The following MYPN variants were observed in gnomAD, a reference collection of about 807,000 sequenced individuals.
MYPN encodes sarcomeric protein myopalladin, 145 kDa (MYOP).
Under a neutral mutation model 129.4 loss-of-function variants are expected in MYPN, and 63 were observed. The ratio of observed to expected loss-of-function variants is 0.49; its 90% CI spans 0.40 to 0.60. The LOEUF is 0.60. Ranked by LOEUF, MYPN falls within the 20% of genes least tolerant of loss-of-function variation. The probability of loss-of-function intolerance (pLI) is 0.00; values close to 1 mark genes in which losing one functional copy is unlikely to be tolerated. For missense variants in MYPN, 1,596 were observed against 1,635.4 expected (o/e 0.98, Z 0.42); for synonymous variants, 629 against 600.9 (o/e 1.05, Z -0.68).
intron 1 of MYPN, among the ~76,000 whole-genome samples, chr10:68,091,299 G>A (rs1211785659): frequency 1.3e-5 from 2 of 149,280 alleles, no homozygotes; most frequent in African/African-American, 2.5e-5. Context: ...TTTCCTACCT[G>A]TCATTCTATT....
chr10:68,189,121 C>T lies in MYPN; in HGVS notation c.2920C>T (p.Pro974Ser). The part of the protein sequence containing the change: ...FTCKIVGIPV[P>S]KVYWFKDGKQ... ...CTGCAAAATTGTTGGGATACCTGTT[C>T]CAAAGGTAGGGAAGATGACAAGCCA... The change falls in exon 13 of 20, where the codon CCA becomes TCA. Residue 974 changes from proline to serine, a missense_variant. Coordinates refer to ENST00000358913, the MANE Select transcript of MYPN (RefSeq NM_032578.4). 1 of 1,612,994 alleles carries T rather than the reference C, an allele frequency of 6.2e-7. No individual in the cohort carries two copies. The highest frequency in any genetic ancestry group is 8.5e-7 in the Non-Finnish European group (1 of 1,179,062).
In MYPN at chr10:68,121,460, G is replaced by C. The variant is rs2042239747; in HGVS notation, c.22G>C (p.Ala8Pro). ...CAGCATGCAAGACGACAGCATAGAA[G>C]CTTCTACTTCCATATCTCAGCTTCT... MQDDSIE[A>P]STSISQLLRE... The change falls in exon 2 of 20, where the codon GCT becomes CCT. Residue 8 changes from alanine (A) to proline (P), a missense_variant. Transcript: ENST00000358913. 6.2e-7 allele frequency: 1 copy of C among 1,612,674 alleles called. No homozygotes were observed. Among genetic ancestry groups the C allele is most frequent in the Non-Finnish European group, 8.5e-7 (1 of 1,179,458 alleles).
At chr10:68,139,843 T>C (rs2086644234) in intron 2 of MYPN, among the ~76,000 whole-genome samples, 3 of 152,356 alleles carry the variant, frequency 2.0e-5, no homozygotes, top group African/African-American at 7.2e-5. Context: ...AGGGCACTAT[T>C]GTAGGTGCTG....
intron 3 of MYPN, among the ~76,000 whole-genome samples, chr10:68,143,623 G>T (rs2042611971): frequency 6.6e-6 from 1 of 151,490 alleles, no homozygotes; most frequent in Admixed American, 6.6e-5. Context: ...AAGGAGGGAG[G>T]TAAGCAGATC....
rs747970724 is a variant in MYPN at position 68,211,873 on chromosome 10, G to A, written c.*1418G>A. On this transcript the variant is annotated 3_prime_UTR_variant, in exon 20 of 20. Transcript: ENST00000358913. Reference sequence around the variant, plus strand: ...TGTCTGTTTTCAATTCCCTGTGCTGGAATCCCTGGTGCTGTCTGTGCCAAG... The same window carrying A: ...TGTCTGTTTTCAATTCCCTGTGCTGAAATCCCTGGTGCTGTCTGTGCCAAG... 20 of 452,516 alleles carry A rather than the reference G, an allele frequency of 4.4e-5. No individual in the cohort carries two copies. The highest frequency in any genetic ancestry group is 8.9e-5 in the Non-Finnish European group (20 of 225,768). 28.0% of individuals were successfully genotyped at this position (452,516 alleles called of 1,614,324 possible). A position where few individuals can be genotyped will look rare whatever the true frequency, so the allele number is the denominator to read the frequency against.
chr10:68,099,202 C>T (rs1031116502), intron 1 of MYPN, among the ~76,000 whole-genome samples: 2 of 152,150 alleles, frequency 1.3e-5, no homozygotes, highest in African/African-American at 4.8e-5. Context: ...CAAAATAACC[C>T]TCATTAGACT....
In MYPN at chr10:68,199,505, A is replaced by G. The variant is rs776844468; in HGVS notation, c.3423A>G (p.Ala1141=). Residue 1141 remains alanine (A), a synonymous_variant, in exon 17 of 20, where the codon GCA becomes GCG. Coordinates refer to ENST00000358913, the MANE Select transcript of MYPN (RefSeq NM_032578.4). ...TTGACCCACTCACTCAGCGCGACGC[A>G]GGGACCTATAAGTGCATCGCTACCA... ...LLIDPLTQRD[A]GTYKCIATNK... 5.6e-6 allele frequency: 9 copies of G among 1,614,194 alleles called. No individual in the cohort carries two copies. Among genetic ancestry groups the G allele is most frequent in the Non-Finnish European group, 7.6e-6 (9 of 1,180,028 alleles).
Position 68,122,299 on chromosome 10 carries a change from G to A in MYPN, c.861G>A (p.Gln287=), listed in dbSNP as rs559908964. 5 of 1,614,078 alleles carry A rather than the reference G, an allele frequency of 3.1e-6. No individual in the cohort carries two copies. In the African/African-American group the frequency reaches 4.0e-5, roughly 13 times the overall value. The change falls in exon 2 of 20, where the codon CAG becomes CAA. Residue 287 remains glutamine, a synonymous_variant. Transcript: ENST00000358913. ...AAGTTCCAGAAGGAACTCGAGTACA[G>A]TTGGATTGCATAGTGGTAGGAATTC... ...SREVPEGTRV[Q]LDCIVVGIPP...
chr10:68,087,915 C>T (rs1171094368), exon 1 of MYPN, among the ~76,000 whole-genome samples: 1 of 152,178 alleles, frequency 6.6e-6, no homozygotes, highest in East Asian at 1.9e-4. Flanking sequence ...CTGCCCTCAA[C>T]AAGTGAGGTG....
At chr10:68,134,766 G>A (rs1423843968) in intron 2 of MYPN, among the ~76,000 whole-genome samples, 1 of 151,976 alleles carries the variant, frequency 6.6e-6, no homozygotes, top group African/African-American at 2.4e-5. Context: ...CTGCACTCCA[G>A]CCTTGTGACA....
rs540719207 is a variant in MYPN at position 68,100,694 on chromosome 10, G to A, written c.-2+12702G>A. On this transcript the variant is annotated intron_variant, in intron 1 of 6. Transcript: ENST00000685154. ...ACACCTCTTATTAGCACCTGTGGACGAACCCTTGGGCAAGGTGGTCACTGA... is the reference window on the plus strand; with the variant it reads ...ACACCTCTTATTAGCACCTGTGGACAAACCCTTGGGCAAGGTGGTCACTGA... Among the ~76,000 whole-genome samples, 16 of 152,250 alleles carry A rather than the reference G, an allele frequency of 1.1e-4. No homozygotes were observed. In the South Asian group the frequency reaches 2.7e-3, roughly 26 times the overall value.
chr10:68,183,335 G>A (rs2043368903), intron 12 of MYPN, among the ~76,000 whole-genome samples: 4 of 152,102 alleles, frequency 2.6e-5, no homozygotes, highest in Admixed American at 2.6e-4. Flanking sequence ...GGTGCTGTGT[G>A]CCTGTTGTCC....
intron 2 of MYPN, among the ~76,000 whole-genome samples, chr10:68,139,766 T>G (rs993061483): frequency 5.9e-5 from 9 of 152,284 alleles, no homozygotes; most frequent in African/African-American, 1.4e-4. Context: ...AACTGTGAAT[T>G]TTTTCCATCA....
intron 13 of MYPN, among the ~76,000 whole-genome samples, chr10:68,194,116 T>C (rs7098318): frequency 2.2e-4 from 34 of 152,138 alleles, no homozygotes; most frequent in African/African-American, 8.2e-4. Flanking sequence ...TTCATCTTAG[T>C]CCTAAATTAT....
chr10:68,121,614 A>T lies in MYPN; in HGVS notation c.176A>T (p.Asp59Val). The change falls in exon 2 of 20, where the codon GAC (aspartate) becomes GTC (valine). Residue 59 changes from aspartate to valine, a missense_variant. By Grantham distance (152) the Asp-to-Val change is radical. Coordinates refer to ENST00000358913, the MANE Select transcript of MYPN (RefSeq NM_032578.4). ...GCTGAAGGAGGCGGAGGCCAAGATG[A>T]CCTTCCAGATCTTTCAGCCTTTCTG... Reference protein sequence around the residue: ...GAAEGGGGQDDLPDLSAFLSQ... With the variant: ...GAAEGGGGQDVLPDLSAFLSQ... 2 of 1,614,216 alleles carry T rather than the reference A, an allele frequency of 1.2e-6. No homozygotes were observed. Among genetic ancestry groups the T allele is most frequent in the Non-Finnish European group, 1.7e-6 (2 of 1,180,040 alleles).
chr10:68,123,062 A>G (rs1034649654), intron 2 of MYPN, among the ~76,000 whole-genome samples: 1 of 151,974 alleles, frequency 6.6e-6, no homozygotes, highest in Non-Finnish European at 1.5e-5. Context: ...TTTGGATGTT[A>G]AATTTTCCTA....
intron 6 of MYPN, among the ~76,000 whole-genome samples, chr10:68,157,195 C>T (rs1437761236): frequency 1.3e-5 from 2 of 152,278 alleles, no homozygotes; most frequent in East Asian, 3.9e-4. Flanking sequence ...AAATTTACAA[C>T]GTATTTTACA....
At chr10:68,165,484 G>A (rs1296142367) in intron 8 of MYPN, 1 of 640,212 alleles carries the variant, frequency 1.6e-6, no homozygotes, top group Admixed American at 2.1e-5. Flanking sequence ...TCAGTACTTG[G>A]CCTGTCTGCA....
In MYPN at chr10:68,122,145, G is replaced by C; in HGVS notation, c.707G>C (p.Arg236Pro). Reference sequence around the variant, plus strand: ...CTGGAACAGCAGGAAGCCAAGAGGCGTGAAGCGGAGCAGGCTGCCAGTGAG... The same window carrying C: ...CTGGAACAGCAGGAAGCCAAGAGGCCTGAAGCGGAGCAGGCTGCCAGTGAG... ...HALEQQEAKR[R>P]EAEQAASEAA... Residue 236 changes from arginine (R) to proline (P), a missense_variant, in exon 2 of 20, where the codon CGT becomes CCT. By Grantham distance (103) the Arg-to-Pro change is moderately radical. Coordinates refer to ENST00000358913, the MANE Select transcript of MYPN (RefSeq NM_032578.4). 6.2e-7 allele frequency: 1 copy of C among 1,613,220 alleles called. No homozygotes were observed. Among genetic ancestry groups the C allele is most frequent in the Non-Finnish European group, 8.5e-7 (1 of 1,179,412 alleles).
Sources: gnomAD v4.1 joint callset for allele counts (sites outside exome capture counted in the v4.1 genomes callset) on GRCh38, gnomAD v4.1.1 for gene constraint, MANE v1.5 for transcripts, NCBI Gene and HGNC (gene_info 2026-07-23, HGNC 2026-07-21) for gene names.